The following SMG6 variants were observed in gnomAD, a reference collection of about 807,000 sequenced individuals.
SMG6 encodes the protein SMG6 nonsense mediated mRNA decay factor, also known as telomerase-binding protein EST1A.
In SMG6, 66 loss-of-function variants were observed where a neutral mutation model predicts 142.2. That is an observed-to-expected ratio of 0.46 (90% CI 0.38 to 0.57). The LOEUF is 0.57. SMG6 is among the 20% of genes least tolerant of loss of function. The pLI, the probability that SMG6 is intolerant of heterozygous loss-of-function variation, is 0.00. For missense variants in SMG6, 1,793 were observed against 1,832.0 expected, an observed-to-expected ratio of 0.98 and a Z score of 0.39; for synonymous variants, 779 against 702.4, an observed-to-expected ratio of 1.11 and a Z score of -1.72.
intron 8 of SMG6, among the ~76,000 whole-genome samples, chr17:2,279,549 A>G (rs1463811620): frequency 6.6e-6 from 1 of 152,206 alleles, no homozygotes; most frequent in East Asian, 1.9e-4. Context: ...ATCTGAAAAG[A>G]CCATTATGAA....
At chr17:2,266,570 A>T (rs2074426638) in intron 8 of SMG6, among the ~76,000 whole-genome samples, 1 of 152,238 alleles carries the variant, frequency 6.6e-6, no homozygotes, top group African/African-American at 2.4e-5. Context: ...TCTCAACCCC[A>T]GAAAGATGAA....
chr17:2,220,349 A>T (rs957918814), intron 10 of SMG6, among the ~76,000 whole-genome samples: 1 of 152,226 alleles, frequency 6.6e-6, no homozygotes, highest in Non-Finnish European at 1.5e-5. Context: ...ATTCATGTGA[A>T]GCCAAGCTCA....
chr17:2,171,878 C>G (rs1407757155), intron 13 of SMG6, among the ~76,000 whole-genome samples: 2 of 152,182 alleles, frequency 1.3e-5, no homozygotes, highest in African/African-American at 2.4e-5. Flanking sequence ...GCAGAGAAGT[C>G]AGTCACAGGG....
At chr17:2,175,114 G>A (rs1387286635) in intron 12 of SMG6, among the ~76,000 whole-genome samples, 36 of 152,326 alleles carry the variant, frequency 2.4e-4, no homozygotes, top group Admixed American at 2.4e-3. Flanking sequence ...TCCTCCCCCA[G>A]TGCCCTGCTG....
At chr17:2,117,690 C>A (rs1005016956) in intron 13 of SMG6, 16 of 152,108 alleles carry the variant, frequency 1.1e-4, no homozygotes, top group Admixed American at 4.6e-4. Flanking sequence ...GTTAAGATGT[C>A]AATTTTCTCA....
At chr17:2,114,411 T>A (rs2069433932) in intron 13 of SMG6, among the ~76,000 whole-genome samples, 1 of 152,118 alleles carries the variant, frequency 6.6e-6, no homozygotes, top group South Asian at 2.1e-4. Flanking sequence ...TAAATAAAAA[T>A]GAAGAAAGCA....
At chr17:2,079,631 A>C (rs565260513) in intron 15 of SMG6, among the ~76,000 whole-genome samples, 10 of 151,926 alleles carry the variant, frequency 6.6e-5, no homozygotes, top group South Asian at 4.1e-4. Flanking sequence ...AAAGTAAAAG[A>C]AGCATGAGGA....
At chr17:2,128,491 C>T (rs541082464) in intron 13 of SMG6, among the ~76,000 whole-genome samples, 22 of 152,228 alleles carry the variant, frequency 1.4e-4, no homozygotes, top group Non-Finnish European at 2.4e-4. Context: ...CTGATGTCAA[C>T]GGTATTAACC....
chr17:2,256,706 C>T (rs2074188477), intron 8 of SMG6, among the ~76,000 whole-genome samples: 1 of 152,050 alleles, frequency 6.6e-6, no homozygotes, highest in Admixed American at 6.6e-5. Flanking sequence ...GCCTGGGAGG[C>T]AGAGATTGCA....
rs1164482362 is a variant in SMG6, at chr17:2,299,295, T to G, written c.1458A>C (p.Thr486=). The change falls in exon 2 of 19, where the codon ACA becomes ACC. Residue 486 remains threonine, a synonymous_variant. Coordinates refer to ENST00000263073, the MANE Select transcript of SMG6 (RefSeq NM_017575.5). The surrounding 1 kb of genome is among the most constrained non-coding windows in gnomAD (Gnocchi z 4.3). The part of the protein sequence containing the change: ...FLDTDDEVSP[T]SWGDSRQAQA... ...GAGCCTGGCGTGAGTCACCCCAAGA[T>G]GTAGGGCTGACTTCATCATCAGTGT... 6.2e-7 allele frequency: 1 copy of G among 1,613,998 alleles called. No homozygotes were observed. Among genetic ancestry groups the G allele is most frequent in the Admixed American group, 1.7e-5 (1 of 60,010 alleles).
At chr17:2,233,889 C>T (rs2073571379) in intron 10 of SMG6, among the ~76,000 whole-genome samples, 2 of 152,202 alleles carry the variant, frequency 1.3e-5, no homozygotes. Context: ...ACACTGGGTA[C>T]TTGGCAGCAC....
chr17:2,160,256 A>T (rs9899427), intron 13 of SMG6, among the ~76,000 whole-genome samples: 52,710 of 152,020 alleles, frequency 0.35, 9,643 homozygotes, highest in African/African-American at 0.46. Flanking sequence ...ATCTCACTCT[A>T]TTGCCCAGGC....
At chr17:2,260,207 T>C (rs1383414349) in intron 8 of SMG6, among the ~76,000 whole-genome samples, 1 of 152,238 alleles carries the variant, frequency 6.6e-6, no homozygotes, top group Non-Finnish European at 1.5e-5. Flanking sequence ...TGCTACAGCC[T>C]GGCATTCGCC....
chr17:2,283,874 T>A, intron 6 of SMG6, 139 bp from the exon 7 acceptor site: 1 of 648,580 alleles, frequency 1.5e-6, no homozygotes, highest in Non-Finnish European at 2.8e-6. Flanking sequence ...AAATCAGAAA[T>A]GCTATCCACA....
intron 14 of SMG6, among the ~76,000 whole-genome samples, chr17:2,082,999 A>C (rs147849883): frequency 2.2e-4 from 34 of 152,366 alleles, no homozygotes; most frequent in South Asian, 8.3e-4. Flanking sequence ...TCCCTATCTT[A>C]TAAATGAACA....
At chr17:2,170,657 G>T (rs996148400) in intron 13 of SMG6, among the ~76,000 whole-genome samples, 10 of 152,214 alleles carry the variant, frequency 6.6e-5, no homozygotes, top group African/African-American at 9.6e-5. Context: ...CAAAAAGTAA[G>T]TATTCCTCTT....
At chr17:2,096,026 T>C (rs1240469513) in intron 13 of SMG6, among the ~76,000 whole-genome samples, 1 of 152,116 alleles carries the variant, frequency 6.6e-6, no homozygotes, top group Non-Finnish European at 1.5e-5. Flanking sequence ...AATCAATTCA[T>C]TCCCTCATCG....
chr17:2,288,895 C>T (rs970624862), intron 6 of SMG6, among the ~76,000 whole-genome samples: 138 of 151,634 alleles, frequency 9.1e-4, no homozygotes, highest in African/African-American at 3.2e-3. Flanking sequence ...CTGGCTAACA[C>T]AGTGAAACCC....
Position 2,297,898 on chromosome 17 carries a change from G to C in SMG6, c.2005C>G (p.Gln669Glu). ...VKDPNVENPE[Q>E]IRNRLLELLD... The stretch of plus-strand genomic sequence containing the variant: ...AGCTCCAAAAGTCTGTTCCGAATCT[G>C]TTCTGGGTTCTCAACATTCGGATCC... The change falls in exon 3 of 19, where the codon CAG becomes GAG. Residue 669 changes from glutamine to glutamate, a missense_variant. Physicochemically the swap from Gln to Glu is conservative, Grantham distance 29. Around this residue, in one of 3 missense-constraint regions of SMG6, gnomAD observed 1,597 missense variants for 1,584.6 expected, o/e 1.01. Transcript: ENST00000263073. 1 of 1,612,446 alleles carries C rather than the reference G, an allele frequency of 6.2e-7. No homozygotes were observed. Among genetic ancestry groups the C allele is most frequent in the Non-Finnish European group, 8.5e-7 (1 of 1,180,020 alleles).
Sources: allele counts gnomAD v4.1 joint callset (sites outside exome capture counted in the v4.1 genomes callset), GRCh38; gene constraint gnomAD v4.1.1; regional missense constraint gnomAD v4.1.1; non-coding constraint Gnocchi (gnomAD v3.1); transcripts MANE v1.5; gene names NCBI Gene and HGNC (gene_info 2026-07-23, HGNC 2026-07-21).